Variants in ARID1B observed in about 807,000 individuals in gnomAD.
ARID1B encodes the protein AT-rich interactive domain-containing protein 1B.
Under a neutral mutation model 212.3 loss-of-function variants are expected in ARID1B, and 30 were observed. The observed-to-expected ratio is 0.14, with a 90% CI of 0.11 to 0.19. The LOEUF is 0.19. ARID1B is among the 10% of genes least tolerant of loss of function. ARID1B has a pLI of 1.00. For missense variants in ARID1B, 2,891 were observed against 3,204.0 expected (o/e 0.90, Z 2.36); for synonymous variants, 1,402 against 1,301.7 (o/e 1.08, Z -1.66).
At chr6:156,851,103 A>G (rs1026682078) in intron 2 of ARID1B, among the ~76,000 whole-genome samples, 1 of 152,194 alleles carries the variant, frequency 6.6e-6, no homozygotes, top group Admixed American at 6.5e-5. Context: ...CTCTTTGAAC[A>G]CTGCTAATTT....
rs2114955346 is a variant in ARID1B, at chr6:156,777,877, G to A, written c.197G>A (p.Gly66Asp). The A allele has an allele frequency of 2.2e-6, 3 of 1,350,008 alleles. No individual in the cohort carries two copies. Among genetic ancestry groups the A allele is most frequent in the Admixed American group, 3.9e-5 (1 of 25,602 alleles). The allele number at this position is 1,350,008 out of a possible 1,614,324, so 83.6% of individuals were successfully genotyped here. The change falls in exon 1 of 20, where the codon GGC becomes GAC. Residue 66 changes from glycine (G) to aspartate (D), a missense_variant. Physicochemically the swap from Gly to Asp is moderately conservative, Grantham distance 94 (BLOSUM62 -1). Coordinates refer to ENST00000636930, the MANE Select transcript of ARID1B (RefSeq NM_001374828.1). ...PMLGGGGDGG[G>D]GLNSVHHHPL... is the part of the protein sequence containing the mutation. ...CTGGGGGGCGGCGGCGACGGCGGCG[G>A]CGGCCTGAACAGTGTGCACCACCAC...
At chr6:157,186,215 A>G (rs1792962932) in intron 13 of ARID1B, 1 of 330,670 alleles carries the variant, frequency 3.0e-6, no homozygotes, top group East Asian at 8.0e-5. Context: ...ATCCTTCAGA[A>G]AGTGGAGGGC....
intron 8 of ARID1B, among the ~76,000 whole-genome samples, chr6:157,154,580 G>GT (rs1274752634): frequency 0.071 from 7,932 of 111,560 alleles, 498 homozygotes; most frequent in African/African-American, 0.13. Context: ...TTTTTTTTTT[G>GT]TTTTTTTTTT....
At chr6:157,062,706 ATT>A (rs200133481) in intron 4 of ARID1B, among the ~76,000 whole-genome samples, 242 of 135,976 alleles carry the variant, frequency 1.8e-3, no homozygotes, top group African/African-American at 6.1e-3. Flanking sequence ...ATATATATAT[ATT>A]TTTTTTTTTT....
At position 156,778,929 on chromosome 6, in the gene ARID1B, G is replaced by C. The variant is rs1392444066; in HGVS notation, c.1249G>C (p.Ala417Pro). 1.5e-6 allele frequency: 2 copies of C among 1,319,870 alleles called. No individual in the cohort carries two copies. Among genetic ancestry groups the C allele is most frequent in the East Asian group, 6.2e-5 (2 of 32,036 alleles). The allele number at this position is 1,319,870 out of a possible 1,614,324, so 81.8% of individuals were successfully genotyped here. ...GGGGGAGAGGAGAGAVAAAAA... is the reference protein window; with the variant it reads ...GGGGGAGAGGPGAGAVAAAAA... ...AGGAGGAGGAGCAGGAGCAGGAGGA[G>C]CAGGAGCGGGAGCTGTGGCGGCGGC... Residue 417 changes from alanine to proline, a missense_variant, in exon 1 of 20, where the codon GCA becomes CCA. This residue lies in a region of ARID1B where 1,643 missense variants were observed against 1,544.0 expected (regional missense o/e 1.06). Coordinates refer to ENST00000636930, the MANE Select transcript of ARID1B (RefSeq NM_001374828.1).
At chr6:156,942,642 C>T (rs1006224101) in intron 4 of ARID1B, 2 of 151,878 alleles carry the variant, frequency 1.3e-5, no homozygotes, top group Non-Finnish European at 2.9e-5. Flanking sequence ...ACACATGACT[C>T]TAATGTTCTG....
At chr6:157,004,152 G>A (rs751831627) in intron 4 of ARID1B, among the ~76,000 whole-genome samples, 36 of 152,032 alleles carry the variant, frequency 2.4e-4, no homozygotes, top group Non-Finnish European at 3.4e-4. Context: ...CAATCCTCTC[G>A]TTCTCCCGAA....
chr6:156,985,951 G>T (rs748964925), intron 4 of ARID1B, among the ~76,000 whole-genome samples: 3 of 152,152 alleles, frequency 2.0e-5, no homozygotes, highest in Non-Finnish European at 4.4e-5. Context: ...GCTTTATTTC[G>T]AGATGTAATG....
intron 3 of ARID1B, among the ~76,000 whole-genome samples, chr6:156,904,356 T>C (rs909696586): frequency 6.6e-6 from 1 of 152,274 alleles, no homozygotes; most frequent in Admixed American, 6.5e-5. Context: ...TTACATTTTA[T>C]GGACATACCA....
intron 4 of ARID1B, among the ~76,000 whole-genome samples, chr6:157,055,807 C>G (rs1452789687): frequency 6.6e-6 from 1 of 152,126 alleles, no homozygotes; most frequent in African/African-American, 2.4e-5. Context: ...GGTTCTCTTC[C>G]AAGCTCACCC....
rs145123304 is a variant in ARID1B at position 157,123,238 on chromosome 6, G to GCCC, written c.2582-9782_2582-9780dup. On this transcript the variant is annotated intron_variant, in intron 6 of 19. Coordinates refer to ENST00000636930, the MANE Select transcript of ARID1B (RefSeq NM_001374828.1). ...TTTCTTTCTCTCCCCCCCGCCCCCC[G>GCCC]CCCCCCCCCCACACACACACAAGCA... Among the ~76,000 whole-genome samples the GCCC allele has an allele frequency of 8.5e-3, 706 of 83,526 alleles. 4 individuals are homozygous for GCCC. Among genetic ancestry groups the GCCC allele is most frequent in the Non-Finnish European group, 0.013 (570 of 44,024 alleles). 54.8% of individuals were successfully genotyped at this position (83,526 alleles called of 152,430 possible). A position where few individuals can be genotyped will look rare whatever the true frequency, so the allele number is the denominator to read the frequency against.
chr6:156,941,392 G>A (rs1300173518), intron 4 of ARID1B: 1 of 152,148 alleles, frequency 6.6e-6, no homozygotes, highest in Admixed American at 6.5e-5. Context: ...GTTTTAAAGG[G>A]AACATGCAAT....
chr6:157,183,500 G>A (rs537297473), intron 12 of ARID1B, among the ~76,000 whole-genome samples: 7 of 152,304 alleles, frequency 4.6e-5, no homozygotes, highest in East Asian at 3.9e-4. Context: ...GTGTTTAACC[G>A]TTTAACCTTT....
intron 2 of ARID1B, among the ~76,000 whole-genome samples, chr6:156,891,569 C>T (rs192344319): frequency 5.3e-4 from 80 of 152,246 alleles, no homozygotes; most frequent in Middle Eastern, 3.4e-3. Flanking sequence ...TTCTCACATT[C>T]AAAAATAACA....
intron 4 of ARID1B, among the ~76,000 whole-genome samples, chr6:156,966,381 CTTTTCTTTTTTTTT>C (rs530318396): frequency 0.048 from 4,326 of 89,290 alleles, 189 homozygotes; most frequent in African/African-American, 0.16. Context: ...CTTTTCTTTT[CTTTTCTTTTTTTTT>C]TTTTTTTTTT....
chr6:157,059,040 G>GTTATA (rs1783161879), intron 4 of ARID1B, among the ~76,000 whole-genome samples: 1 of 151,706 alleles, frequency 6.6e-6, no homozygotes, highest in East Asian at 1.9e-4. Flanking sequence ...ATAGCCAAAG[G>GTTATA]TACTTCAGCT....
upstream of ARID1B, chr6:156,777,160 G>C (rs1583020842): frequency 6.6e-6 from 1 of 152,148 alleles, no homozygotes; most frequent in Non-Finnish European, 1.5e-5. Flanking sequence ...GAAAGTGCAG[G>C]TTCCGGCCGC....
intron 2 of ARID1B, among the ~76,000 whole-genome samples, chr6:156,843,432 TG>T (rs1784030633): frequency 6.6e-6 from 1 of 152,136 alleles, no homozygotes; most frequent in South Asian, 2.1e-4. Flanking sequence ...GTACTAGTCA[TG>T]GGGAAATACC....
At chr6:157,131,294 G>C (rs541049238) in intron 6 of ARID1B, among the ~76,000 whole-genome samples, 4 of 152,274 alleles carry the variant, frequency 2.6e-5, no homozygotes, top group Admixed American at 6.5e-5. Flanking sequence ...ATGTTTTAGT[G>C]GGGAAGAGAG....
Sources: gnomAD v4.1 joint callset for allele counts (sites outside exome capture counted in the v4.1 genomes callset) on GRCh38, gnomAD v4.1.1 for gene constraint, gnomAD v4.1.1 regional missense constraint, MANE v1.5 for transcripts, NCBI Gene and HGNC (gene_info 2026-07-23, HGNC 2026-07-21) for gene names.